Variants in MYO3A observed in about 807,000 individuals in gnomAD.
MYO3A encodes the protein myosin-IIIa.
In MYO3A, 180 loss-of-function variants were observed where a neutral mutation model predicts 192.7. The observed-to-expected ratio is 0.93, with a 90% confidence interval of 0.83 to 1.06. The LOEUF (loss-of-function observed/expected upper bound fraction) is 1.06, where lower values mean the gene tolerates loss of function less well. MYO3A is among the 50% of genes least tolerant of loss of function. The probability of loss-of-function intolerance (pLI) is 0.00; values close to 1 mark genes in which losing one functional copy is unlikely to be tolerated. For missense variants in MYO3A, 1,896 were observed against 1,905.0 expected (o/e 1.00, Z 0.09); for synonymous variants, 628 against 645.3 (o/e 0.97, Z 0.41).
At chr10:26,011,117 T>A (rs1841622418) in intron 6 of MYO3A, among the ~76,000 whole-genome samples, 1 of 152,196 alleles carries the variant, frequency 6.6e-6, no homozygotes, top group South Asian at 2.1e-4. Context: ...GGCTCACAGG[T>A]CTATTTACAT....
At chr10:25,977,792 G>T (rs897906531) in intron 4 of MYO3A, among the ~76,000 whole-genome samples, 2 of 151,774 alleles carry the variant, frequency 1.3e-5, no homozygotes, top group African/African-American at 2.4e-5. Flanking sequence ...TTACAAAATA[G>T]ATGCACAAAA....
intron 17 of MYO3A, among the ~76,000 whole-genome samples, chr10:26,112,882 G>C (rs1384769056): frequency 6.6e-6 from 1 of 152,160 alleles, no homozygotes; most frequent in East Asian, 1.9e-4. Context: ...ATAGTAGTTT[G>C]ATGATTCAAT....
intron 4 of MYO3A, among the ~76,000 whole-genome samples, chr10:25,990,810 C>A (rs1319318971): frequency 1.3e-5 from 2 of 150,880 alleles, no homozygotes; most frequent in Non-Finnish European, 3.0e-5. Flanking sequence ...TGGTTTCCAT[C>A]TTCATCCATG....
intron 4 of MYO3A, among the ~76,000 whole-genome samples, chr10:25,994,581 G>C (rs1442670511): frequency 6.6e-6 from 1 of 152,180 alleles, no homozygotes; most frequent in Non-Finnish European, 1.5e-5. Context: ...TTGCTCATTA[G>C]TTGATGCAGT....
chr10:26,160,874 C>CA (rs1317042712), intron 26 of MYO3A, among the ~76,000 whole-genome samples: 1 of 152,052 alleles, frequency 6.6e-6, no homozygotes, highest in African/African-American at 2.4e-5. Context: ...CCTTGAATAC[C>CA]AGCCTAATCT....
intron 15 of MYO3A, among the ~76,000 whole-genome samples, chr10:26,093,951 CAG>C (rs1419982315): frequency 1.3e-5 from 2 of 152,172 alleles, no homozygotes; most frequent in African/African-American, 4.8e-5. Flanking sequence ...TCTCTTCACT[CAG>C]GGGAGAGTTT....
chr10:26,030,397 G>C (rs1842752263), intron 10 of MYO3A, among the ~76,000 whole-genome samples: 1 of 152,004 alleles, frequency 6.6e-6, no homozygotes, highest in African/African-American at 2.4e-5. Flanking sequence ...AGTTGAACTT[G>C]AATCTTTACC....
At chr10:26,131,275 A>G (rs1039141251) in intron 20 of MYO3A, among the ~76,000 whole-genome samples, 5 of 152,360 alleles carry the variant, frequency 3.3e-5, no homozygotes, top group Non-Finnish European at 4.4e-5. Flanking sequence ...GCTGTTTACA[A>G]TGGTATTTTG....
intron 17 of MYO3A, among the ~76,000 whole-genome samples, chr10:26,104,084 A>G (rs1339991792): frequency 4.0e-5 from 6 of 151,324 alleles, no homozygotes; most frequent in African/African-American, 1.5e-4. Context: ...TAATCTAGGT[A>G]TACTAGCCCC....
chr10:25,997,832 A>T (rs553859034), intron 6 of MYO3A, among the ~76,000 whole-genome samples: 1 of 152,234 alleles, frequency 6.6e-6, no homozygotes, highest in African/African-American at 2.4e-5. Context: ...GGGGTGTTTG[A>T]TAACATAATT....
chr10:26,045,137 C>T (rs943285687), intron 10 of MYO3A, among the ~76,000 whole-genome samples: 3 of 152,222 alleles, frequency 2.0e-5, no homozygotes, highest in Admixed American at 6.5e-5. Context: ...GGGTGCCAGC[C>T]ACCATCTGCC....
rs180810417 is a variant in MYO3A, at chr10:26,040,975, A to G, written c.953+14443A>G. ...ATTTTCTTTCTGGAAGATTTATTCAATGCTGAAGGTGAAGTATTTAAGTCT... is the reference window on the plus strand; with the variant it reads ...ATTTTCTTTCTGGAAGATTTATTCAGTGCTGAAGGTGAAGTATTTAAGTCT... On this transcript the variant is annotated intron_variant, in intron 10 of 34. Coordinates refer to ENST00000642920, the MANE Select transcript of MYO3A (RefSeq NM_017433.5). 1.5e-3 allele frequency among the ~76,000 whole-genome samples: 231 copies of G among 152,218 alleles called. 1 individual carries two copies. In the Middle Eastern group the frequency reaches 0.02, roughly 13 times the overall value.
At chr10:26,081,894 A>G (rs1835981383) in intron 14 of MYO3A, among the ~76,000 whole-genome samples, 1 of 137,354 alleles carries the variant, frequency 7.3e-6, no homozygotes, top group African/African-American at 2.6e-5. Flanking sequence ...CCACTTCTGC[A>G]GTTGGGACAC....
At chr10:26,096,343 C>G (rs751299557) in intron 15 of MYO3A, 38 bp from the exon 16 acceptor site, 1 of 1,409,872 alleles carries the variant, frequency 7.1e-7, no homozygotes. Flanking sequence ...AAGAAATGTT[C>G]TTACTAACTA....
chr10:26,152,134 G>C (rs559106027), intron 23 of MYO3A, among the ~76,000 whole-genome samples: 48 of 152,284 alleles, frequency 3.2e-4, no homozygotes, highest in Middle Eastern at 3.4e-3. Context: ...AACAGTGTCT[G>C]GTTGGCCAGG....
intron 1 of MYO3A, among the ~76,000 whole-genome samples, chr10:25,934,778 G>GAGGAGGGAACGTGA (rs1442668774): frequency 1.3e-5 from 2 of 151,368 alleles, no homozygotes; most frequent in African/African-American, 2.4e-5. Context: ...GGGGGATCTC[G>GAGGAGGGAACGTGA]AGGAGGGAAC....
At chr10:25,943,488 A>G (rs1836636588) in intron 2 of MYO3A, among the ~76,000 whole-genome samples, 1 of 152,138 alleles carries the variant, frequency 6.6e-6, no homozygotes, top group Non-Finnish European at 1.5e-5. Context: ...TTTAACCAAT[A>G]TTAAATCTTC....
chr10:25,943,768 T>TTGTG (rs58905708), intron 2 of MYO3A, among the ~76,000 whole-genome samples: 6,366 of 142,634 alleles, frequency 0.045, 191 homozygotes, highest in Middle Eastern at 0.068. Flanking sequence ...GTTCTAACAT[T>TTGTG]TGTGTGTGTG....
intron 26 of MYO3A, among the ~76,000 whole-genome samples, chr10:26,165,259 G>A (rs12262728): frequency 0.33 from 49,712 of 151,974 alleles, 8,327 homozygotes; most frequent in South Asian, 0.44. Flanking sequence ...CTACATATCA[G>A]GGCCTCTCTT....
Sources: allele counts gnomAD v4.1 joint callset (sites outside exome capture counted in the v4.1 genomes callset), GRCh38; gene constraint gnomAD v4.1.1; transcripts MANE v1.5; gene names NCBI Gene and HGNC (gene_info 2026-07-23, HGNC 2026-07-21).